Variants in TMEM132E observed in about 807,000 individuals in gnomAD.
TMEM132E encodes transmembrane protein 132E.
Under a neutral mutation model 78.5 loss-of-function variants are expected in TMEM132E, and 49 were observed. That is an observed-to-expected ratio of 0.62 (90% CI 0.50 to 0.79). The LOEUF is 0.79. Ranked by LOEUF, TMEM132E falls within the 30% of genes least tolerant of loss-of-function variation. The pLI is 0.00. For synonymous variants in TMEM132E, 715 were observed against 670.6 expected (o/e 1.07, Z -1.02); for missense variants, 1,403 against 1,470.9 (o/e 0.95, Z 0.75).
Position 34,626,570 on chromosome 17 carries a change from C to A in TMEM132E, c.511C>A (p.Arg171=). ...GCCCTGTGTCCGCCTGCATGCCTTC[C>A]GGGATGCCCGGGAAGTCAAGAGCTC... ...RLPCVRLHAF[R]DAREVKSSCR... The change falls in exon 2 of 9, where the codon CGG becomes AGG. Residue 171 remains arginine (R), a synonymous_variant. Coordinates refer to ENST00000631683, the MANE Select transcript of TMEM132E (RefSeq NM_001304438.2). The A allele has an allele frequency of 1.3e-6, 2 of 1,571,788 alleles. No individual in the cohort carries two copies. Among genetic ancestry groups the A allele is most frequent in the Non-Finnish European group, 1.7e-6 (2 of 1,163,944 alleles).
intron 1 of TMEM132E, among the ~76,000 whole-genome samples, chr17:34,595,865 G>A (rs1174670132): frequency 4.6e-5 from 7 of 152,282 alleles, no homozygotes; most frequent in Admixed American, 2.6e-4. Flanking sequence ...TTGGGGAGGC[G>A]CCTCAGTAGG....
At position 34,637,543 on chromosome 17, in the gene TMEM132E, G is replaced by A; in HGVS notation, c.2536G>A (p.Gly846Ser). ...CGAGGCCCGGGGAGCTGGCCCGCCG[G>A]GCTCTGCGCTACCCGCACCGGAGGC... is the stretch of plus-strand genomic sequence containing the variant. ...EDEARGAGPP[G>S]SALPAPEAPG... The change falls in exon 9 of 9, where the codon GGC becomes AGC. Residue 846 changes from glycine (G) to serine (S), a missense_variant. Physicochemically the swap from Gly to Ser is moderately conservative, Grantham distance 56. This residue lies in a region of TMEM132E where 888 missense variants were observed against 952.8 expected (regional missense o/e 0.93). Transcript: ENST00000631683. 1 of 1,597,920 alleles carries A rather than the reference G, an allele frequency of 6.3e-7. No homozygotes were observed. The highest frequency in any genetic ancestry group is 1.3e-5 in the African/African-American group (1 of 74,688).
intron 5 of TMEM132E, among the ~76,000 whole-genome samples, chr17:34,631,645 C>G (rs975802634): frequency 6.6e-6 from 1 of 152,200 alleles, no homozygotes; most frequent in African/African-American, 2.4e-5. Context: ...CTCCACCCAC[C>G]CCTCTGAGAT....
chr17:34,590,011 G>A lies in TMEM132E; in HGVS notation c.67+8868G>A, dbSNP rs547952496. 2.0e-4 allele frequency among the ~76,000 whole-genome samples: 31 copies of A among 152,350 alleles called. No homozygotes were observed. In the South Asian group the frequency reaches 6.4e-3, roughly 32 times the overall value. ...ACTGCCATCAGCCAGCCCCATGCATGAGAGGTCTGAAATGCTGTGGGAGGT... is the reference window on the plus strand; with the variant it reads ...ACTGCCATCAGCCAGCCCCATGCATAAGAGGTCTGAAATGCTGTGGGAGGT... On this transcript the variant is annotated intron_variant, in intron 1 of 8. Coordinates refer to ENST00000631683, the MANE Select transcript of TMEM132E (RefSeq NM_001304438.2).
chr17:34,582,516 G>A (rs1018342393), intron 1 of TMEM132E, among the ~76,000 whole-genome samples: 1 of 4,964 alleles, frequency 2.0e-4, no homozygotes, highest in Non-Finnish European at 5.5e-4. Context: ...GTAACACCAG[G>A]GGGGGTTGTT....
Position 34,637,449 on chromosome 17 carries a change from G to A in TMEM132E, c.2442G>A (p.Gly814=). The A allele has an allele frequency of 1.2e-6, 2 of 1,613,464 alleles. No individual in the cohort carries two copies. Among genetic ancestry groups the A allele is most frequent in the Middle Eastern group, 1.6e-4 (1 of 6,062 alleles). The change falls in exon 9 of 9, where the codon GGG becomes GGA. Residue 814 remains glycine, a synonymous_variant. Coordinates refer to ENST00000631683, the MANE Select transcript of TMEM132E (RefSeq NM_001304438.2). ...TTPVGLRVHF[G]RDEEDPTYDY... ...CTGTGGGCCTGCGGGTGCACTTTGG[G>A]AGGGACGAGGAGGACCCCACTTATG...
chr17:34,619,601 G>A lies in TMEM132E; in HGVS notation c.68-6526G>A, dbSNP rs138390826. On this transcript the variant is annotated intron_variant, in intron 1 of 8. Transcript: ENST00000631683. Reference sequence around the variant, plus strand: ...ACCATTAACTATCAGCAATGTCAGCGTTATGCTGTGCAAGTCACAGCCTCT... The same window carrying A: ...ACCATTAACTATCAGCAATGTCAGCATTATGCTGTGCAAGTCACAGCCTCT... 2.7e-3 allele frequency among the ~76,000 whole-genome samples: 416 copies of A among 151,788 alleles called. 7 individuals carry two copies. Among genetic ancestry groups the A allele is most frequent in the African/African-American group, 9.5e-3 (394 of 41,360 alleles).
intron 7 of TMEM132E, 41 bp from the exon 8 acceptor site, chr17:34,635,966 C>A: frequency 7.4e-7 from 1 of 1,348,224 alleles, no homozygotes; most frequent in Non-Finnish European, 9.6e-7. Flanking sequence ...GGGGGGTGTG[C>A]TTTCCTGGTT....
rs1192684254 is a variant in TMEM132E, at chr17:34,637,984, G to A, written c.2977G>A (p.Gly993Ser). The A allele has an allele frequency of 5.0e-6, 8 of 1,589,090 alleles. No homozygotes were observed. The highest frequency in any genetic ancestry group is 6.8e-6 in the Non-Finnish European group (8 of 1,169,054). ...CGGCAGGGGCGACGGCTCCTCGGGC[G>A]GCTCAGCCCGAGACCAAGCCGAGGA... is the stretch of plus-strand genomic sequence containing the variant. ...VHGRGDGSSG[G>S]SARDQAEDPA... The change falls in exon 9 of 9, where the codon GGC becomes AGC. Residue 993 changes from glycine (G) to serine (S), a missense_variant. Around this residue, in one of 3 missense-constraint regions of TMEM132E, gnomAD observed 888 missense variants for 952.8 expected, o/e 0.93. Transcript: ENST00000631683.
At chr17:34,597,557 G>A (rs1266517094) in intron 1 of TMEM132E, among the ~76,000 whole-genome samples, 2 of 152,158 alleles carry the variant, frequency 1.3e-5, no homozygotes, top group East Asian at 3.8e-4. Flanking sequence ...GTCCCTTTGA[G>A]GAGGTCCTGT....
chr17:34,630,180 G>A (rs1447385858), intron 5 of TMEM132E, 29 bp downstream of exon 5: 1 of 1,601,048 alleles, frequency 6.2e-7, no homozygotes, highest in African/African-American at 1.3e-5. Flanking sequence ...GGGCCCCTGG[G>A]GAAGAAGCCC....
rs1167577954 is a variant in TMEM132E, at chr17:34,626,799, G to A, written c.740G>A (p.Gly247Asp). Residue 247 changes from glycine to aspartate, a missense_variant, in exon 2 of 9, where the codon GGC becomes GAC. Physicochemically the swap from Gly to Asp is moderately conservative, Grantham distance 94 (BLOSUM62 -1). Coordinates refer to ENST00000631683, the MANE Select transcript of TMEM132E (RefSeq NM_001304438.2). ...CCTGATGCGTCGGGGGGCTGCGGGG[G>A]CTCCCGCCGGGGGGCCGGGCCCGGG... ...HAPDASGGCG[G>D]SRRGAGPGVG... 2.6e-6 allele frequency: 4 copies of A among 1,515,692 alleles called. No homozygotes were observed. The highest frequency in any genetic ancestry group is 2.5e-5 in the East Asian group (1 of 40,652). The allele number at this position is 1,515,692 out of a possible 1,614,324, so 93.9% of individuals were successfully genotyped here.
At chr17:34,629,969 G>C in intron 4 of TMEM132E, 39 bp from the exon 5 acceptor site, 1 of 1,573,158 alleles carries the variant, frequency 6.4e-7, no homozygotes, top group East Asian at 2.3e-5. Context: ...AGGACAGAAG[G>C]GGACCACAAG....
At chr17:34,622,221 C>T (rs781725648) in intron 1 of TMEM132E, among the ~76,000 whole-genome samples, 3 of 152,226 alleles carry the variant, frequency 2.0e-5, no homozygotes, top group African/African-American at 4.8e-5. Flanking sequence ...CACACCAGAA[C>T]GCTTCCAGGG....
rs2142044508 is a variant in TMEM132E at position 34,581,103 on chromosome 17, C to T, written c.27C>T (p.Gly9=). Residue 9 remains glycine (G), a synonymous_variant, in exon 1 of 9, where the codon GGC becomes GGT. Coordinates refer to ENST00000631683, the MANE Select transcript of TMEM132E (RefSeq NM_001304438.2). MAPGMSGR[G]GAALLCLSAL... Reference sequence around the variant, plus strand: ...TGGCCCCGGGGATGTCGGGCCGCGGCGGCGCCGCCCTGCTCTGCCTCTCAG... The same window carrying T: ...TGGCCCCGGGGATGTCGGGCCGCGGTGGCGCCGCCCTGCTCTGCCTCTCAG... 6.5e-7 allele frequency: 1 copy of T among 1,539,140 alleles called. No homozygotes were observed. Among genetic ancestry groups the T allele is most frequent in the Non-Finnish European group, 8.7e-7 (1 of 1,148,974 alleles).
At chr17:34,594,696 C>A (rs1905995585) in intron 1 of TMEM132E, among the ~76,000 whole-genome samples, 1 of 152,138 alleles carries the variant, frequency 6.6e-6, no homozygotes, top group Non-Finnish European at 1.5e-5. Context: ...CTCAAGTGAT[C>A]CTCCTGCCTC....
chr17:34,591,724 A>G (rs1411601215), intron 1 of TMEM132E, among the ~76,000 whole-genome samples: 1 of 152,264 alleles, frequency 6.6e-6, no homozygotes, highest in Non-Finnish European at 1.5e-5. Context: ...TTTGGGCCCC[A>G]GGAAGGTCTT....
Position 34,638,265 on chromosome 17 carries a change from C to CCT in TMEM132E, c.*34_*35insTC. 1.4e-6 allele frequency: 2 copies of CCT among 1,470,662 alleles called. No individual in the cohort carries two copies. Among genetic ancestry groups the CCT allele is most frequent in the Non-Finnish European group, 9.0e-7 (1 of 1,110,696 alleles). The allele number at this position is 1,470,662 out of a possible 1,614,324, so 91.1% of individuals were successfully genotyped here. On this transcript the variant is annotated 3_prime_UTR_variant, in exon 9 of 9. Transcript: ENST00000631683. The stretch of plus-strand genomic sequence containing the variant: ...AGCCGGAGTAGCAGGGACCCCCCCC[C>CCT]CCAACGGGGTCAGCTCGGGGTAGGA...
At chr17:34,613,174 TACA>T (rs1906651305) in intron 1 of TMEM132E, among the ~76,000 whole-genome samples, 1 of 109,174 alleles carries the variant, frequency 9.2e-6, no homozygotes, top group African/African-American at 3.0e-5. Flanking sequence ...TCTCTCTCTC[TACA>T]CACACACACA....
Sources: allele counts gnomAD v4.1 joint callset (sites outside exome capture counted in the v4.1 genomes callset), GRCh38; gene constraint gnomAD v4.1.1; regional missense constraint gnomAD v4.1.1; transcripts MANE v1.5; gene names NCBI Gene and HGNC (gene_info 2026-07-23, HGNC 2026-07-21).